Variants in SASH1 observed in about 807,000 individuals in gnomAD.
SASH1 encodes the protein SAM and SH3 domain-containing protein 1.
A neutral mutation model predicts 125.2 loss-of-function variants in SASH1; 44 were observed. That is an observed-to-expected ratio of 0.35 (90% CI 0.28 to 0.45). The LOEUF (loss-of-function observed/expected upper bound fraction) is 0.45. SASH1 is among the 20% of genes least tolerant of loss of function. The pLI is 1.00. For synonymous variants in SASH1, 639 were observed against 649.1 expected, an observed-to-expected ratio of 0.98 and a Z score of 0.24; for missense variants, 1,426 against 1,614.5, an observed-to-expected ratio of 0.88 and a Z score of 2.00.
chr6:148,257,662 C>A, the SASH1 span, among the ~76,000 whole-genome samples: 1 of 140,128 alleles, frequency 7.1e-6, no homozygotes, highest in Admixed American at 7.4e-5. Context: ...GACGGAGTCT[C>A]ACTCTGTCGC....
intron 1 of SASH1, among the ~76,000 whole-genome samples, chr6:148,308,271 T>TCCA (rs1174131839): frequency 4.3e-5 from 6 of 138,000 alleles, no homozygotes; most frequent in Admixed American, 1.5e-4. Flanking sequence ...AGATATTAAA[T>TCCA]CCGCCCCCCC....
chr6:148,392,860 G>A (rs1351042415), intron 2 of SASH1, among the ~76,000 whole-genome samples: 1 of 152,012 alleles, frequency 6.6e-6, no homozygotes, highest in East Asian at 1.9e-4. Context: ...TGTGAATGCT[G>A]GGGTTATTTC....
chr6:148,276,216 G>C (rs1164701476), intron 1 of SASH1, among the ~76,000 whole-genome samples: 1 of 152,092 alleles, frequency 6.6e-6, no homozygotes, highest in Non-Finnish European at 1.5e-5. Context: ...GTTGTTGTAA[G>C]GATTAAATAA....
intron 1 of SASH1, among the ~76,000 whole-genome samples, chr6:148,352,905 G>T (rs866537982): frequency 1.3e-5 from 2 of 152,132 alleles, no homozygotes; most frequent in Admixed American, 1.3e-4. Context: ...GGGAGGTGGA[G>T]GTTGCAGTGA....
At chr6:148,516,556 G>A (rs1364865442) in intron 9 of SASH1, among the ~76,000 whole-genome samples, 6 of 135,758 alleles carry the variant, frequency 4.4e-5, no homozygotes, top group South Asian at 2.2e-4. Context: ...GACTTCCTGC[G>A]TGCCTGTGCT....
upstream of SASH1, among the ~76,000 whole-genome samples, chr6:148,269,953 TC>T (rs1045736721): frequency 5.3e-5 from 8 of 152,330 alleles, no homozygotes; most frequent in African/African-American, 1.9e-4. Context: ...GTGAAAATGA[TC>T]ATCTCCCAGT....
At chr6:148,198,815 A>G in the SASH1 span, among the ~76,000 whole-genome samples, 1 of 152,230 alleles carries the variant, frequency 6.6e-6, no homozygotes, top group Non-Finnish European at 1.5e-5. Context: ...ATAATAATCC[A>G]GGGACAGTTT....
intron 4 of SASH1, among the ~76,000 whole-genome samples, chr6:148,446,696 G>A (rs1027316293): frequency 2.0e-5 from 3 of 152,138 alleles, no homozygotes; most frequent in African/African-American, 7.2e-5. Flanking sequence ...AATAATAGGT[G>A]ATGCTTATTG....
intron 1 of SASH1, among the ~76,000 whole-genome samples, chr6:148,370,196 GTCTA>G (rs1277318511): frequency 1.2e-4 from 18 of 152,254 alleles, no homozygotes; most frequent in African/African-American, 3.8e-4. Flanking sequence ...GGCCTTTTAA[GTCTA>G]TCTGTACATC....
Position 148,386,980 on chromosome 6 carries a change from A to G in SASH1, c.157-3154A>G, listed in dbSNP as rs530048371. On this transcript the variant is annotated intron_variant, in intron 1 of 19. Coordinates refer to ENST00000367467, the MANE Select transcript of SASH1 (RefSeq NM_015278.5). Reference sequence around the variant, plus strand: ...GATGCCCTGGTGCTGAAGATAGCCCAGCTCCCTCTGTCCTGGGAACTACCT... The same window carrying G: ...GATGCCCTGGTGCTGAAGATAGCCCGGCTCCCTCTGTCCTGGGAACTACCT... Among the ~76,000 whole-genome samples the G allele has an allele frequency of 2.1e-3, 317 of 152,114 alleles. 4 individuals are homozygous for G. Among genetic ancestry groups the G allele is most frequent in the Non-Finnish European group, 1.1e-3 (76 of 67,958 alleles).
chr6:148,256,625 T>C, the SASH1 span, among the ~76,000 whole-genome samples: 10 of 152,202 alleles, frequency 6.6e-5, no homozygotes, highest in Non-Finnish European at 1.0e-4. Context: ...GTACCATAGA[T>C]TATTTTAGTG....
chr6:148,267,527 C>T (rs556936892), upstream of SASH1, among the ~76,000 whole-genome samples: 2 of 152,040 alleles, frequency 1.3e-5, no homozygotes, highest in South Asian at 2.1e-4. Context: ...TACAGGTGCC[C>T]GCCACCACGC....
intron 8 of SASH1, among the ~76,000 whole-genome samples, chr6:148,492,251 C>A (rs894281853): frequency 1.3e-5 from 2 of 152,220 alleles, no homozygotes; most frequent in Non-Finnish European, 2.9e-5. Context: ...TTAGAACAAG[C>A]TGCTAAGAAA....
intron 2 of SASH1, among the ~76,000 whole-genome samples, chr6:148,432,075 A>C (rs1192649973): frequency 6.6e-6 from 1 of 151,692 alleles, no homozygotes; most frequent in East Asian, 1.9e-4. Context: ...TCCTGGGTTC[A>C]AGCGATTCTG....
chr6:148,427,978 A>G (rs551837331), intron 2 of SASH1, among the ~76,000 whole-genome samples: 1 of 152,368 alleles, frequency 6.6e-6, no homozygotes, highest in East Asian at 1.9e-4. Context: ...GGTATCTTTC[A>G]GAGTAATAGT....
chr6:148,418,622 A>C (rs1185182299), intron 2 of SASH1, among the ~76,000 whole-genome samples: 3 of 152,112 alleles, frequency 2.0e-5, no homozygotes, highest in Non-Finnish European at 4.4e-5. Context: ...TGAATTCACG[A>C]TACAGATATT....
At chr6:148,458,826 G>C (rs1777473800) in intron 4 of SASH1, among the ~76,000 whole-genome samples, 2 of 152,032 alleles carry the variant, frequency 1.3e-5, no homozygotes, top group Non-Finnish European at 2.9e-5. Context: ...GATTAGTCGG[G>C]CATGATGGCA....
At chr6:148,203,870 C>T in the SASH1 span, among the ~76,000 whole-genome samples, 1 of 152,196 alleles carries the variant, frequency 6.6e-6, no homozygotes, top group African/African-American at 2.4e-5. Context: ...TATCTTCTTC[C>T]ATTCCATCCA....
the SASH1 span, among the ~76,000 whole-genome samples, chr6:148,233,902 G>A: frequency 6.7e-6 from 1 of 150,046 alleles, no homozygotes; most frequent in African/African-American, 2.5e-5. Flanking sequence ...GACAGAGTGA[G>A]ACTCTGTTTC....
Sources: gnomAD v4.1 joint callset for allele counts (sites outside exome capture counted in the v4.1 genomes callset) on GRCh38, gnomAD v4.1.1 for gene constraint, MANE v1.5 for transcripts, NCBI Gene and HGNC (gene_info 2026-07-23, HGNC 2026-07-21) for gene names.